Variants in LATS2 observed in about 807,000 individuals in gnomAD.
LATS2 encodes serine/threonine-protein kinase LATS2.
LATS2 carries 24 observed loss-of-function variants against 76.0 expected under a neutral mutation model. The ratio of observed to expected loss-of-function variants is 0.32; its 90% CI spans 0.23 to 0.44. The LOEUF (loss-of-function observed/expected upper bound fraction) is 0.44. Ranked by LOEUF, LATS2 falls within the 20% of genes least tolerant of loss-of-function variation. LATS2 has a pLI of 1.00. For synonymous variants in LATS2, 692 were observed against 635.4 expected, an observed-to-expected ratio of 1.09 and a Z score of -1.34; for missense variants, 1,286 against 1,481.2, an observed-to-expected ratio of 0.87 and a Z score of 2.16.
Position 20,988,421 on chromosome 13 carries a change from C to T in LATS2, c.1359G>A (p.Glu453=), listed in dbSNP as rs1422179895. The T allele has an allele frequency of 4.8e-6, 7 of 1,453,522 alleles. No individual in the cohort carries two copies. In the East Asian group the frequency reaches 8.4e-5, roughly 17 times the overall value. 90.0% of individuals were successfully genotyped at this position (1,453,522 alleles called of 1,614,324 possible). Residue 453 remains glutamate, a synonymous_variant, in exon 4 of 8, where the codon GAG becomes GAA. Transcript: ENST00000382592. ...GCGAGGGCCCCACAGCCGTCTGCGG[C>T]TCCGGCCTCAGCACACGCACGCTCT... ...PVKSVRVLRP[E]PQTAVGPSHP... is the part of the protein sequence containing the mutation.
chr13:20,979,729 G>A lies in LATS2; in HGVS notation c.2734C>T (p.Pro912Ser). The change falls in exon 7 of 8, where the codon CCC becomes TCC. Residue 912 changes from proline (P) to serine (S), a missense_variant. Coordinates refer to ENST00000382592, the MANE Select transcript of LATS2 (RefSeq NM_014572.3). ...ILFEMLVGQP[P>S]FLAPTPTETQ... Reference sequence around the variant, plus strand: ...TCTGTGGGAGTAGGTGCCAAAAAGGGCGGCTGCCCCACCAGCATCTCGAAG... The same window carrying A: ...TCTGTGGGAGTAGGTGCCAAAAAGGACGGCTGCCCCACCAGCATCTCGAAG... 6.2e-7 allele frequency: 1 copy of A among 1,612,928 alleles called. No homozygotes were observed. Among genetic ancestry groups the A allele is most frequent in the Non-Finnish European group, 8.5e-7 (1 of 1,179,278 alleles).
chr13:21,015,353 G>C (rs1026390233), intron 2 of LATS2, among the ~76,000 whole-genome samples: 1 of 152,138 alleles, frequency 6.6e-6, no homozygotes, highest in Non-Finnish European at 1.5e-5. Context: ...GCAGACACAC[G>C]AAGGACCAGG....
intron 2 of LATS2, among the ~76,000 whole-genome samples, chr13:21,008,565 C>G (rs1336114808): frequency 6.6e-6 from 1 of 152,160 alleles, no homozygotes; most frequent in Non-Finnish European, 1.5e-5. Flanking sequence ...GTGGTAAAGT[C>G]TGAATTCAAA....
intron 2 of LATS2, among the ~76,000 whole-genome samples, chr13:21,020,828 G>T (rs1872027023): frequency 6.6e-6 from 1 of 152,194 alleles, no homozygotes; most frequent in Non-Finnish European, 1.5e-5. Context: ...CTCCATCCCT[G>T]CTGTCATGTG....
At chr13:21,009,131 G>A (rs951731080) in intron 2 of LATS2, among the ~76,000 whole-genome samples, 11 of 152,200 alleles carry the variant, frequency 7.2e-5, no homozygotes, top group African/African-American at 2.7e-4. Context: ...CTGGCAAATA[G>A]GAACCGCTCA....
chr13:21,006,980 T>G (rs1871288462), intron 2 of LATS2, among the ~76,000 whole-genome samples: 1 of 152,078 alleles, frequency 6.6e-6, no homozygotes, highest in African/African-American at 2.4e-5. Flanking sequence ...TCTGGCAAAT[T>G]ATAGGTTCAC....
At chr13:20,998,459 C>G (rs1595223611) in intron 2 of LATS2, among the ~76,000 whole-genome samples, 1 of 152,224 alleles carries the variant, frequency 6.6e-6, no homozygotes, top group East Asian at 1.9e-4. Context: ...GGAGGCTGCA[C>G]TGTCTCTGGC....
At chr13:21,005,982 G>A (rs1052163363) in intron 2 of LATS2, among the ~76,000 whole-genome samples, 1 of 151,668 alleles carries the variant, frequency 6.6e-6, no homozygotes, top group South Asian at 2.1e-4. Context: ...GAGTGGTGGC[G>A]CATGTCTGTA....
intron 2 of LATS2, among the ~76,000 whole-genome samples, chr13:21,003,168 C>A (rs1871118978): frequency 6.6e-6 from 1 of 152,024 alleles, no homozygotes; most frequent in South Asian, 2.1e-4. Flanking sequence ...AATAATTCTT[C>A]AAAAAATGAG....
At chr13:21,046,289 T>G (rs1405957972) in intron 1 of LATS2, 59 bp from the exon 2 acceptor site, 3 of 383,158 alleles carry the variant, frequency 7.8e-6, no homozygotes, top group Non-Finnish European at 1.4e-5. Context: ...GCAACGTTAA[T>G]GCTACTTTTC....
At chr13:20,975,450 T>C (rs1180925797) in intron 7 of LATS2, 86 bp from the exon 8 acceptor site, 2 of 1,369,234 alleles carry the variant, frequency 1.5e-6, no homozygotes, top group Non-Finnish European at 2.0e-6. Context: ...GACTTTCAAA[T>C]ATGTTTAGTT....
intron 2 of LATS2, among the ~76,000 whole-genome samples, chr13:21,017,791 A>C (rs1565955545): frequency 6.6e-6 from 1 of 151,694 alleles, no homozygotes; most frequent in Non-Finnish European, 1.5e-5. Flanking sequence ...ACACCCAACT[A>C]ATTTTTATAT....
At chr13:20,995,840 T>G (rs554793199) in intron 2 of LATS2, among the ~76,000 whole-genome samples, 86 of 152,352 alleles carry the variant, frequency 5.6e-4, no homozygotes, top group African/African-American at 1.9e-3. Flanking sequence ...GCTCTTTGAA[T>G]GTGTGTATCA....
At position 20,989,353 on chromosome 13, in the gene LATS2, G is replaced by C. The variant is rs558783218; in HGVS notation, c.476-49C>G. 2.5e-6 allele frequency: 4 copies of C among 1,597,152 alleles called. No individual in the cohort carries two copies. In the South Asian group the frequency reaches 4.4e-5, roughly 18 times the overall value. Reference sequence around the variant, plus strand: ...CAGCATCAGAGTGGGTGTGATCAGTGGGTTCTGGCACTTCCAGGCTGGTCC... The same window carrying C: ...CAGCATCAGAGTGGGTGTGATCAGTCGGTTCTGGCACTTCCAGGCTGGTCC... On this transcript the variant is annotated intron_variant, in intron 3 of 7. Coordinates refer to ENST00000382592, the MANE Select transcript of LATS2 (RefSeq NM_014572.3).
At chr13:21,024,276 T>A (rs1230159494) in intron 2 of LATS2, among the ~76,000 whole-genome samples, 1 of 149,346 alleles carries the variant, frequency 6.7e-6, no homozygotes, top group African/African-American at 2.5e-5. Flanking sequence ...CTACTAAAAA[T>A]AAAAAAAAAT....
At chr13:21,030,581 G>C (rs1187722682) in intron 2 of LATS2, among the ~76,000 whole-genome samples, 1 of 109,394 alleles carries the variant, frequency 9.1e-6, no homozygotes, top group African/African-American at 3.7e-5. Context: ...AAGAGTGAGA[G>C]ACTCCGTCTC....
At chr13:21,037,176 A>G (rs534915836) in intron 2 of LATS2, among the ~76,000 whole-genome samples, 1 of 152,330 alleles carries the variant, frequency 6.6e-6, no homozygotes, top group East Asian at 1.9e-4. Flanking sequence ...AGGCCAAGGC[A>G]TGTGGATCAC....
chr13:20,996,918 G>A (rs1870782372), intron 2 of LATS2, among the ~76,000 whole-genome samples: 2 of 152,192 alleles, frequency 1.3e-5, no homozygotes, highest in Admixed American at 1.3e-4. Context: ...ATTGGCTGTA[G>A]AATAGAAGCT....
Position 21,046,151 on chromosome 13 carries a change from A to G in LATS2, c.-125T>C. The G allele has an allele frequency of 1.3e-6, 1 of 762,564 alleles. No homozygotes were observed. Among genetic ancestry groups the G allele is most frequent in the Non-Finnish European group, 2.0e-6 (1 of 490,074 alleles). The allele number at this position is 762,564 out of a possible 1,614,324, so 47.2% of individuals were successfully genotyped here. A position where few individuals can be genotyped will look rare whatever the true frequency, so the allele number is the denominator to read the frequency against. ...CTTTCAAAATAATTTCCTTTTGAAA[A>G]TGTTCTTTCCTTCCATTTTTGTAGT... is the stretch of plus-strand genomic sequence containing the variant. On this transcript the variant is annotated 5_prime_UTR_variant, in exon 2 of 8. Transcript: ENST00000382592.
Sources: allele counts gnomAD v4.1 joint callset (sites outside exome capture counted in the v4.1 genomes callset), GRCh38; gene constraint gnomAD v4.1.1; transcripts MANE v1.5; gene names NCBI Gene and HGNC (gene_info 2026-07-23, HGNC 2026-07-21).